Variants in TOM1L2 observed in about 807,000 individuals in gnomAD.
The protein encoded by TOM1L2 is TOM1-like protein 2.
Under a neutral mutation model 67.9 loss-of-function variants are expected in TOM1L2, and 31 were observed. That is an observed-to-expected ratio of 0.46 (90% CI 0.34 to 0.62). TOM1L2 has a LOEUF of 0.62. TOM1L2 is among the 20% of genes least tolerant of loss of function. TOM1L2 has a pLI of 0.01. For missense variants in TOM1L2, 606 were observed against 663.5 expected (o/e 0.91, Z 0.95); for synonymous variants, 256 against 254.0 (o/e 1.01, Z -0.07).
At chr17:17,866,202 T>C in intron 10 of TOM1L2, 94 bp downstream of exon 10, 1 of 1,429,186 alleles carries the variant, frequency 7.0e-7, no homozygotes, top group African/African-American at 1.4e-5. Flanking sequence ...CAAAAGACTC[T>C]CTTTGGGTCT....
chr17:17,965,184 G>A (rs2041831715), intron 1 of TOM1L2, among the ~76,000 whole-genome samples: 1 of 151,790 alleles, frequency 6.6e-6, no homozygotes, highest in African/African-American at 2.4e-5. Flanking sequence ...CCCTACCTCT[G>A]TAATGATATT....
intron 12 of TOM1L2, 180 bp from the exon 13 acceptor site, chr17:17,851,132 G>T: frequency 1.6e-6 from 1 of 627,178 alleles, no homozygotes; most frequent in Non-Finnish European, 2.8e-6. Context: ...GTGTGAGATG[G>T]CAGGTGAGGA....
intron 1 of TOM1L2, among the ~76,000 whole-genome samples, chr17:17,938,451 C>G (rs183875951): frequency 3.3e-5 from 5 of 152,248 alleles, no homozygotes; most frequent in Admixed American, 1.3e-4. Flanking sequence ...CAGTCCCGCT[C>G]TGACTAGGAT....
At chr17:17,970,483 T>C (rs2042026823) in intron 1 of TOM1L2, among the ~76,000 whole-genome samples, 1 of 152,228 alleles carries the variant, frequency 6.6e-6, no homozygotes, top group African/African-American at 2.4e-5. Flanking sequence ...GCAAGTTTTC[T>C]GGCTCCCTCC....
At chr17:17,965,750 C>T (rs1449470263) in intron 1 of TOM1L2, among the ~76,000 whole-genome samples, 1 of 152,174 alleles carries the variant, frequency 6.6e-6, no homozygotes, top group African/African-American at 2.4e-5. Flanking sequence ...TTGTGAGGAT[C>T]GAATGACTGC....
Position 17,866,312 on chromosome 17 carries a change from G to A in TOM1L2, c.1068C>T (p.Ser356=), listed in dbSNP as rs1419209386. 4.3e-6 allele frequency: 7 copies of A among 1,612,948 alleles called. No individual in the cohort carries two copies. The highest frequency in any genetic ancestry group is 2.2e-5 in the East Asian group (1 of 44,858). ...GACACTCACCTAAGCCTGCAAGCTG[G>A]GAGGAGAGGGAAGATGGGGGCGCTG... is the stretch of plus-strand genomic sequence containing the variant. ...GNTAPPSSLS[S]QLAGLDLGTE... is the part of the protein sequence containing the mutation. Residue 356 remains serine (S), a synonymous_variant, in exon 10 of 15, where the codon TCC becomes TCT. Coordinates refer to ENST00000379504, the MANE Select transcript of TOM1L2 (RefSeq NM_001082968.2).
rs763953806 is a variant in TOM1L2 at position 17,862,842 on chromosome 17, C to T, written c.1091G>A (p.Gly364Glu). The change falls in exon 11 of 15, where the codon GGG (glycine) becomes GAG (glutamate). Residue 364 changes from glycine (G) to glutamate (E), a missense_variant. Coordinates refer to ENST00000379504, the MANE Select transcript of TOM1L2 (RefSeq NM_001082968.2). ...LSSQLAGLDL[G>E]TESVSGTLSS... The stretch of plus-strand genomic sequence containing the variant: ...GAGGGTGCCACTGACGCTCTCTGTC[C>T]CCAAGTCTGTGGCAACAAAACAAAT... The T allele has an allele frequency of 6.2e-7, 1 of 1,613,858 alleles. No homozygotes were observed. The highest frequency in any genetic ancestry group is 8.5e-7 in the Non-Finnish European group (1 of 1,179,816).
intron 1 of TOM1L2, among the ~76,000 whole-genome samples, chr17:17,915,582 C>T (rs2039593099): frequency 6.6e-6 from 1 of 151,956 alleles, no homozygotes; most frequent in African/African-American, 2.4e-5. Context: ...ATCATAGCAG[C>T]ATAGCTCATT....
intron 1 of TOM1L2, among the ~76,000 whole-genome samples, chr17:17,924,643 A>C (rs2040012608): frequency 6.6e-6 from 1 of 152,138 alleles, no homozygotes; most frequent in African/African-American, 2.4e-5. Context: ...ACATGCCTGT[A>C]GTCCCCAGCT....
At chr17:17,870,998 G>T (rs1340541464) in intron 7 of TOM1L2, among the ~76,000 whole-genome samples, 2 of 152,208 alleles carry the variant, frequency 1.3e-5, no homozygotes, top group Non-Finnish European at 2.9e-5. Flanking sequence ...GGGCAGAGAA[G>T]GTATTTCCCT....
intron 1 of TOM1L2, among the ~76,000 whole-genome samples, chr17:17,966,177 T>C (rs2145067311): frequency 6.6e-6 from 1 of 152,210 alleles, no homozygotes; most frequent in Admixed American, 6.5e-5. Context: ...GCTATTATTA[T>C]TACCACCTGA....
At chr17:17,937,674 A>G (rs1273695027) in intron 1 of TOM1L2, among the ~76,000 whole-genome samples, 3 of 152,310 alleles carry the variant, frequency 2.0e-5, no homozygotes, top group Admixed American at 6.5e-5. Flanking sequence ...AATGACACAC[A>G]GCCCACATGC....
At chr17:17,923,019 G>GGCCTC (rs1341183652) in intron 1 of TOM1L2, among the ~76,000 whole-genome samples, 2 of 152,160 alleles carry the variant, frequency 1.3e-5, no homozygotes, top group African/African-American at 4.8e-5. Context: ...GCTATAAAAA[G>GGCCTC]GCCTCAAAGA....
chr17:17,917,880 G>A (rs530246879), intron 1 of TOM1L2, among the ~76,000 whole-genome samples: 15 of 151,884 alleles, frequency 9.9e-5, no homozygotes, highest in African/African-American at 3.6e-4. Flanking sequence ...ACTTGAGCCC[G>A]GGAGGTCAAG....
In TOM1L2 at chr17:17,901,445, C is replaced by T. The variant is rs1284147581; in HGVS notation, c.138-2771G>A. Among the ~76,000 whole-genome samples the T allele has an allele frequency of 2.0e-5, 3 of 152,178 alleles. No homozygotes were observed. The East Asian group carries it at 5.8e-4, about 29-fold the overall frequency. On this transcript the variant is annotated intron_variant, in intron 2 of 14. Transcript: ENST00000379504. ...CAGCCTCGTGATTTGGCCTCTGGGC[C>T]ATGATCAGGCTCCTCAAAGTCTCCC...
Position 17,922,825 on chromosome 17 carries a change from C to T in TOM1L2, c.53-15294G>A, listed in dbSNP as rs143694764. On this transcript the variant is annotated intron_variant, in intron 1 of 14. Coordinates refer to ENST00000379504, the MANE Select transcript of TOM1L2 (RefSeq NM_001082968.2). Reference sequence around the variant, plus strand: ...GAAAGACGGAATTCCAGCGGGGAAGCAGAAGGGGAGGGTGACTGTCTCCAA... The same window carrying T: ...GAAAGACGGAATTCCAGCGGGGAAGTAGAAGGGGAGGGTGACTGTCTCCAA... 1.7e-4 allele frequency among the ~76,000 whole-genome samples: 26 copies of T among 152,222 alleles called. No homozygotes were observed. The East Asian group carries it at 4.8e-3, about 28-fold the overall frequency.
intron 1 of TOM1L2, among the ~76,000 whole-genome samples, chr17:17,921,751 CGGGGTGGG>C (rs1251920745): frequency 6.3e-4 from 1 of 1,600 alleles, no homozygotes; most frequent in Non-Finnish European, 1.3e-3. Context: ...AAAGTGGGGG[CGGGGTGGG>C]GGGGTGGGAT....
intron 1 of TOM1L2, among the ~76,000 whole-genome samples, chr17:17,934,237 G>A (rs1172671591): frequency 6.6e-6 from 1 of 152,160 alleles, no homozygotes; most frequent in Non-Finnish European, 1.5e-5. Flanking sequence ...TTAAGCCCAG[G>A]AGTTCAAGAC....
At chr17:17,903,182 C>A (rs187903136) in intron 2 of TOM1L2, among the ~76,000 whole-genome samples, 69 of 152,320 alleles carry the variant, frequency 4.5e-4, no homozygotes, top group Admixed American at 1.4e-3. Flanking sequence ...CCCTGCCCCC[C>A]ACCCAGCACT....
Sources: gnomAD v4.1 joint callset for allele counts (sites outside exome capture counted in the v4.1 genomes callset) on GRCh38, gnomAD v4.1.1 for gene constraint, MANE v1.5 for transcripts, NCBI Gene and HGNC (gene_info 2026-07-23, HGNC 2026-07-21) for gene names.